ZFPM2: variants seen among roughly 807,000 people sequenced by gnomAD.
The protein encoded by ZFPM2 is zinc finger protein, FOG family member 2, also known as zinc finger protein ZFPM2.
In ZFPM2, 20 loss-of-function variants were observed where a neutral mutation model predicts 98.6. That is an observed-to-expected ratio of 0.20 (90% CI 0.14 to 0.29). The LOEUF (loss-of-function observed/expected upper bound fraction) is 0.29. Among genes scored for constraint, ZFPM2 ranks in the 10% least tolerant of loss-of-function variants. ZFPM2 has a pLI of 1.00. For missense variants in ZFPM2, 1,310 were observed against 1,388.6 expected, an observed-to-expected ratio of 0.94 and a Z score of 0.90; for synonymous variants, 518 against 502.7, an observed-to-expected ratio of 1.03 and a Z score of -0.41.
intron 5 of ZFPM2, among the ~76,000 whole-genome samples, chr8:105,638,297 C>G (rs117162337): frequency 6.6e-6 from 1 of 152,028 alleles, no homozygotes; most frequent in South Asian, 2.1e-4. Context: ...GTAAAATTAA[C>G]CCTGCATGAG....
intron 2 of ZFPM2, among the ~76,000 whole-genome samples, chr8:105,437,099 T>C (rs1174053338): frequency 2.6e-5 from 4 of 152,178 alleles, no homozygotes; most frequent in Admixed American, 6.5e-5. Flanking sequence ...AATTAGAAAG[T>C]TTAAACTATT....
rs188715766 is a variant in ZFPM2 at position 105,743,770 on chromosome 8, G to A, written c.533-44948G>A. Among the ~76,000 whole-genome samples, 39 of 152,092 alleles carry A rather than the reference G, an allele frequency of 2.6e-4. No homozygotes were observed. In the East Asian group the frequency reaches 3.7e-3, roughly 14 times the overall value. ...CCTTTAAGTTAGTTTTCCTTCTGCC[G>A]TAAAATGAGAATGAACACATCATAA... On this transcript the variant is annotated intron_variant, in intron 5 of 7. Transcript: ENST00000407775.
chr8:105,499,177 G>T (rs1235899317), intron 3 of ZFPM2, among the ~76,000 whole-genome samples: 2 of 151,396 alleles, frequency 1.3e-5, no homozygotes, highest in African/African-American at 4.9e-5. Flanking sequence ...GCACAGGTAG[G>T]TACCACCTTA....
chr8:105,607,750 C>A (rs1277334371), intron 4 of ZFPM2, among the ~76,000 whole-genome samples: 1 of 152,044 alleles, frequency 6.6e-6, no homozygotes, highest in Admixed American at 6.6e-5. Flanking sequence ...GAATTTGTAA[C>A]CAGTTCCGCT....
intron 4 of ZFPM2, among the ~76,000 whole-genome samples, chr8:105,581,862 C>G (rs1019677844): frequency 6.6e-6 from 1 of 152,306 alleles, no homozygotes; most frequent in East Asian, 1.9e-4. Context: ...ATGATAATTA[C>G]TCAGAATACT....
chr8:105,612,528 G>C (rs1816328086), intron 4 of ZFPM2, among the ~76,000 whole-genome samples: 1 of 152,108 alleles, frequency 6.6e-6, no homozygotes, highest in Non-Finnish European at 1.5e-5. Flanking sequence ...AGGATTCCCT[G>C]TATTTAATCA....
chr8:105,606,297 G>A (rs1327793370), intron 4 of ZFPM2, among the ~76,000 whole-genome samples: 2 of 151,902 alleles, frequency 1.3e-5, no homozygotes, highest in Non-Finnish European at 2.9e-5. Flanking sequence ...TTTTTTTCTA[G>A]TGTTGATTAT....
chr8:105,787,489 T>C (rs2131132084), intron 5 of ZFPM2: 1 of 152,328 alleles, frequency 6.6e-6, no homozygotes, highest in African/African-American at 2.4e-5. Flanking sequence ...TTGCCCAACG[T>C]TTCTCTAAAA....
rs566002093 is a variant in ZFPM2 at position 105,712,927 on chromosome 8, A to T, written c.533-75791A>T. Among the ~76,000 whole-genome samples the T allele has an allele frequency of 1.5e-4, 23 of 152,106 alleles. No individual in the cohort carries two copies. In the East Asian group the frequency reaches 4.1e-3, roughly 27 times the overall value. Reference sequence around the variant, plus strand: ...GGCTGCATAGTGTTCTGTGGCGTATATTCACCACAGATAGGCTCTTCAGTT... The same window carrying T: ...GGCTGCATAGTGTTCTGTGGCGTATTTTCACCACAGATAGGCTCTTCAGTT... On this transcript the variant is annotated intron_variant, in intron 5 of 7. Transcript: ENST00000407775.
intron 5 of ZFPM2, among the ~76,000 whole-genome samples, chr8:105,649,473 A>G (rs1817123084): frequency 6.6e-6 from 1 of 152,160 alleles, no homozygotes; most frequent in Admixed American, 6.6e-5. Flanking sequence ...TTCAAAGGAA[A>G]TGCTTCTAGT....
chr8:105,627,584 T>G (rs554209044), intron 4 of ZFPM2, among the ~76,000 whole-genome samples: 1 of 152,312 alleles, frequency 6.6e-6, no homozygotes, highest in East Asian at 1.9e-4. Flanking sequence ...AGAAAAACTT[T>G]GTATAAGTGA....
At chr8:105,795,930 A>ACTT (rs1320691500) in intron 6 of ZFPM2, 4 of 271,008 alleles carry the variant, frequency 1.5e-5, no homozygotes, top group African/African-American at 9.1e-5. Flanking sequence ...TCAAAAATAT[A>ACTT]CTTTAAAATC....
chr8:105,608,118 T>C (rs1220704573), intron 4 of ZFPM2, among the ~76,000 whole-genome samples: 3 of 151,974 alleles, frequency 2.0e-5, no homozygotes, highest in Admixed American at 2.0e-4. Context: ...CACTTGTAAA[T>C]GGGAGCTAAA....
chr8:105,564,145 C>A lies in ZFPM2; in HGVS notation c.420+2664C>A, dbSNP rs540948467. 7.2e-5 allele frequency among the ~76,000 whole-genome samples: 11 copies of A among 151,794 alleles called. No individual in the cohort carries two copies. In the South Asian group the frequency reaches 2.3e-3, roughly 32 times the overall value. ...TTAATAGTTCTATATGACTGTAAAG[C>A]TATTTTATGCCATATTTAATATTTT... On this transcript the variant is annotated intron_variant, in intron 4 of 7. Transcript: ENST00000407775.
intron 5 of ZFPM2, among the ~76,000 whole-genome samples, chr8:105,733,954 G>T (rs1247930250): frequency 6.6e-6 from 1 of 151,894 alleles, no homozygotes; most frequent in Non-Finnish European, 1.5e-5. Context: ...AAATGCAACA[G>T]TCACAGGACA....
chr8:105,520,416 G>A (rs1189893220), intron 3 of ZFPM2, among the ~76,000 whole-genome samples: 1 of 152,126 alleles, frequency 6.6e-6, no homozygotes, highest in Non-Finnish European at 1.5e-5. Context: ...TGAAGGCAGA[G>A]CATGGAAAAA....
At chr8:105,362,872 C>T (rs1810435193) in intron 1 of ZFPM2, among the ~76,000 whole-genome samples, 1 of 152,138 alleles carries the variant, frequency 6.6e-6, no homozygotes, top group African/African-American at 2.4e-5. Flanking sequence ...GATCAGAGGT[C>T]ACAAATAAAA....
At chr8:105,792,922 G>A (rs912311693) in intron 6 of ZFPM2, among the ~76,000 whole-genome samples, 22 of 151,528 alleles carry the variant, frequency 1.5e-4, no homozygotes, top group Admixed American at 9.2e-4. Flanking sequence ...GCCTTTTTTT[G>A]TTTTCCATTT....
intron 3 of ZFPM2, among the ~76,000 whole-genome samples, chr8:105,527,737 A>G (rs1814206114): frequency 6.6e-6 from 1 of 152,182 alleles, no homozygotes; most frequent in Non-Finnish European, 1.5e-5. Context: ...CAGGGGAGCT[A>G]ATTGGAAATG....
Sources: allele counts gnomAD v4.1 joint callset (sites outside exome capture counted in the v4.1 genomes callset), GRCh38; gene constraint gnomAD v4.1.1; transcripts MANE v1.5; gene names NCBI Gene and HGNC (gene_info 2026-07-23, HGNC 2026-07-21).